The following CEBPZOS variants were observed in gnomAD, a reference collection of about 807,000 sequenced individuals.
CEBPZOS encodes the protein CEBPZ opposite strand.
A neutral mutation model predicts 4.8 loss-of-function variants in CEBPZOS; 10 were observed. The ratio of observed to expected loss-of-function variants is 2.07; its 90% confidence interval spans 1.28 to 3.52. The LOEUF (loss-of-function observed/expected upper bound fraction) is 3.52, where lower values mean the gene tolerates loss of function less well. Among genes scored for constraint, CEBPZOS ranks in the 30% most tolerant of loss-of-function variants. The pLI, the probability that CEBPZOS is intolerant of heterozygous loss-of-function variation, is 0.00. For missense variants in CEBPZOS, 98 were observed against 43.6 expected (o/e 2.25, Z -3.51); for synonymous variants, 25 against 14.2 (o/e 1.77, Z -1.72).
chr2:37,213,916 T>G (rs751847878), downstream of CEBPZOS: 29 of 1,594,894 alleles, frequency 1.8e-5, no homozygotes, highest in African/African-American at 3.7e-4. Context: ...TTTCTTCATC[T>G]GCATCCCGTT....
downstream of CEBPZOS, among the ~76,000 whole-genome samples, chr2:37,205,174 G>A (rs1274354153): frequency 1.3e-5 from 2 of 152,186 alleles, no homozygotes; most frequent in African/African-American, 2.4e-5. Flanking sequence ...ATAAAATTTT[G>A]TAGGCGTGAG....
chr2:37,207,552 G>A (rs1412351196), downstream of CEBPZOS, among the ~76,000 whole-genome samples: 1 of 152,172 alleles, frequency 6.6e-6, no homozygotes, highest in East Asian at 1.9e-4. Context: ...GCTCTTGAAT[G>A]ATCTTTGTGT....
At chr2:37,198,175 A>AT (rs1677042066) in intron 1 of CEBPZOS, among the ~76,000 whole-genome samples, 1 of 151,644 alleles carries the variant, frequency 6.6e-6, no homozygotes, top group African/African-American at 2.4e-5. Context: ...ATAAAATAAA[A>AT]AAAAAATAAC....
intron 1 of CEBPZOS, 76 bp from the exon 2 acceptor site, chr2:37,199,628 T>C (rs993060936): frequency 1.3e-5 from 9 of 670,566 alleles, no homozygotes; most frequent in Non-Finnish European, 2.2e-5. Context: ...GGGAATGAAT[T>C]TGAGTTATTA....
intron 1 of CEBPZOS, chr2:37,197,361 T>A (rs1676995185): frequency 6.6e-6 from 1 of 152,230 alleles, no homozygotes; most frequent in Admixed American, 6.5e-5. Context: ...GTAAATACTT[T>A]GTTGTACGGT....
At chr2:37,199,418 A>G (rs1039678164) in intron 1 of CEBPZOS, among the ~76,000 whole-genome samples, 1 of 152,198 alleles carries the variant, frequency 6.6e-6, no homozygotes, top group African/African-American at 2.4e-5. Flanking sequence ...ACACAATTAA[A>G]TAATTTTAGT....
chr2:37,201,233 A>G (rs767170297), intron 3 of CEBPZOS, 141 bp downstream of exon 3: 13 of 601,356 alleles, frequency 2.2e-5, no homozygotes, highest in African/African-American at 9.4e-5. Context: ...ATTCTCATCT[A>G]TTCTAGTGAG....
In CEBPZOS at chr2:37,202,150, A is replaced by C; in HGVS notation, c.*290A>C. 1 of 308,066 alleles carries C rather than the reference A, an allele frequency of 3.2e-6. No individual in the cohort carries two copies. The highest frequency in any genetic ancestry group is 1.3e-4 in the South Asian group (1 of 7,590). 19.1% of individuals were successfully genotyped at this position (308,066 alleles called of 1,614,324 possible). A position where few individuals can be genotyped will look rare whatever the true frequency, so the allele number is the denominator to read the frequency against. On this transcript the variant is annotated 3_prime_UTR_variant, in exon 5 of 5. Transcript: ENST00000402297. ...CTCTAAAGATTTTCTCTCCCCAAGCACTTTTACTGGTGAAATAAAAACCAG... is the reference window on the plus strand; with the variant it reads ...CTCTAAAGATTTTCTCTCCCCAAGCCCTTTTACTGGTGAAATAAAAACCAG...
At chr2:37,213,970 T>C (rs916502551), downstream of CEBPZOS, 1 of 1,419,964 alleles carries the variant, frequency 7.0e-7, no homozygotes, top group African/African-American at 1.5e-5. Context: ...ACCTATAATA[T>C]TCATGTTATA....
chr2:37,200,158 A>T (rs1677147445), intron 2 of CEBPZOS, among the ~76,000 whole-genome samples: 1 of 152,186 alleles, frequency 6.6e-6, no homozygotes, highest in Non-Finnish European at 1.5e-5. Flanking sequence ...TGTTTGGTAG[A>T]CTAAGAAAGT....
At chr2:37,212,576 C>G in intron 4 of CEBPZOS, 2 of 548,246 alleles carry the variant, frequency 3.6e-6, no homozygotes, top group Non-Finnish European at 6.4e-6. Flanking sequence ...AAATACTGAT[C>G]TTAGTTAAAT....
At chr2:37,214,858 C>T, downstream of CEBPZOS, 1 of 1,452,016 alleles carries the variant, frequency 6.9e-7, no homozygotes, top group Non-Finnish European at 9.5e-7. Context: ...AGCAGTTTCC[C>T]CAAATGAAAC....
chr2:37,197,076 G>T (rs192776024), intron 1 of CEBPZOS, among the ~76,000 whole-genome samples: 31 of 152,278 alleles, frequency 2.0e-4, no homozygotes, highest in Middle Eastern at 3.4e-3. Flanking sequence ...TCTCAGCCCC[G>T]TGTGATGTTA....
chr2:37,213,833 T>C, downstream of CEBPZOS: 1 of 1,447,758 alleles, frequency 6.9e-7, no homozygotes, highest in Non-Finnish European at 9.6e-7. Flanking sequence ...AGTAGTAGAT[T>C]ATTTTACAAA....
chr2:37,212,250 A>G, intron 4 of CEBPZOS: 1 of 1,233,206 alleles, frequency 8.1e-7, no homozygotes, highest in Non-Finnish European at 1.2e-6. Context: ...CCCCTTTATC[A>G]TATAGTTCTG....
At chr2:37,214,879 A>G (rs2148352786), downstream of CEBPZOS, 1 of 1,587,034 alleles carries the variant, frequency 6.3e-7, no homozygotes, top group Non-Finnish European at 8.7e-7. Context: ...TATATTATGT[A>G]TAGTACCTGT....
At chr2:37,207,545 C>T (rs564689872), downstream of CEBPZOS, among the ~76,000 whole-genome samples, 4 of 152,176 alleles carry the variant, frequency 2.6e-5, no homozygotes, top group Non-Finnish European at 5.9e-5. Flanking sequence ...ATAATCTGCT[C>T]TTGAATGATC....
intron 2 of CEBPZOS, 78 bp from the exon 3 acceptor site, chr2:37,200,970 C>T: frequency 1.4e-6 from 1 of 695,610 alleles, no homozygotes; most frequent in Non-Finnish European, 2.7e-6. Context: ...GACCCTAAAG[C>T]TAGCATTAAA....
chr2:37,214,871 T>C, downstream of CEBPZOS: 1 of 1,556,124 alleles, frequency 6.4e-7, no homozygotes, highest in Non-Finnish European at 8.8e-7. Flanking sequence ...AATGAAACTA[T>C]ATTATGTATA....
Sources: gnomAD v4.1 joint callset for allele counts (sites outside exome capture counted in the v4.1 genomes callset) on GRCh38, gnomAD v4.1.1 for gene constraint, MANE v1.5 for transcripts, NCBI Gene and HGNC (gene_info 2026-07-23, HGNC 2026-07-21) for gene names.